HIBADH: variants seen among roughly 807,000 people sequenced by gnomAD.
HIBADH encodes the protein 3-hydroxyisobutyrate dehydrogenase, mitochondrial.
HIBADH carries 25 observed loss-of-function variants against 36.1 expected under a neutral mutation model. The ratio of observed to expected loss-of-function variants is 0.69; its 90% CI spans 0.50 to 0.97. The LOEUF is 0.97. Ranked by LOEUF, HIBADH falls within the 50% of genes least tolerant of loss-of-function variation. The pLI, the probability that HIBADH is intolerant of heterozygous loss-of-function variation, is 0.00. For synonymous variants in HIBADH, 160 were observed against 149.5 expected, an observed-to-expected ratio of 1.07 and a Z score of -0.51; for missense variants, 421 against 418.0, an observed-to-expected ratio of 1.01 and a Z score of -0.06.
chr7:27,541,132 CTTTTT>C (rs60000681), intron 5 of HIBADH, among the ~76,000 whole-genome samples: 5 of 144,288 alleles, frequency 3.5e-5, no homozygotes, highest in Non-Finnish European at 6.1e-5. Flanking sequence ...TTCGAGCATC[CTTTTT>C]TTTTTTTTTT....
chr7:27,545,130 G>A (rs1394971955), intron 4 of HIBADH, among the ~76,000 whole-genome samples: 1 of 152,090 alleles, frequency 6.6e-6, no homozygotes, highest in Admixed American at 6.5e-5. Flanking sequence ...ACACTATCAA[G>A]CCTAGTCCCA....
At chr7:27,570,731 G>A (rs369888654) in intron 4 of HIBADH, among the ~76,000 whole-genome samples, 6 of 152,054 alleles carry the variant, frequency 3.9e-5, no homozygotes, top group East Asian at 1.9e-4. Context: ...TAAAAAGAAA[G>A]TATGGTATCA....
chr7:27,539,414 T>C (rs558336123), intron 5 of HIBADH, among the ~76,000 whole-genome samples: 2 of 150,570 alleles, frequency 1.3e-5, no homozygotes, highest in South Asian at 4.2e-4. Context: ...AAGTCTAGAG[T>C]GAGATAAAGA....
chr7:27,526,897 T>C lies in HIBADH; in HGVS notation c.853-525A>G, dbSNP rs575459155. On this transcript the variant is annotated intron_variant, in intron 7 of 7. Coordinates refer to ENST00000265395, the MANE Select transcript of HIBADH (RefSeq NM_152740.4). ...AGACAATTAAATAAGCATGGTATAA[T>C]TGGATAGGAGGAGTACTATCATGGG... Among the ~76,000 whole-genome samples the C allele has an allele frequency of 2.4e-4, 37 of 152,192 alleles. No homozygotes were observed. The South Asian group carries it at 7.7e-3, about 32-fold the overall frequency.
At chr7:27,605,454 C>T (rs779580367) in intron 4 of HIBADH, among the ~76,000 whole-genome samples, 9 of 99,428 alleles carry the variant, frequency 9.1e-5, no homozygotes, top group Non-Finnish European at 1.6e-4. Context: ...AACCTGCTGA[C>T]ACTTTTTTTT....
At chr7:27,572,492 A>T (rs922384226) in intron 4 of HIBADH, among the ~76,000 whole-genome samples, 2 of 152,180 alleles carry the variant, frequency 1.3e-5, no homozygotes, top group Non-Finnish European at 2.9e-5. Flanking sequence ...AACAGGTTTC[A>T]TCTTTACCAT....
chr7:27,590,591 T>G (rs1784924267), intron 4 of HIBADH, among the ~76,000 whole-genome samples: 1 of 152,180 alleles, frequency 6.6e-6, no homozygotes, highest in South Asian at 2.1e-4. Flanking sequence ...TTTGAAGATT[T>G]TAAAAGGGAC....
At chr7:27,628,360 T>A (rs6962817) in intron 4 of HIBADH, among the ~76,000 whole-genome samples, 1,729 of 152,254 alleles carry the variant, frequency 0.011, 39 homozygotes, top group African/African-American at 0.039. Context: ...TACTTTTTAA[T>A]TCTAAAGCCC....
intron 4 of HIBADH, among the ~76,000 whole-genome samples, chr7:27,609,654 G>T (rs749088651): frequency 6.6e-6 from 1 of 152,058 alleles, no homozygotes; most frequent in Non-Finnish European, 1.5e-5. Context: ...AGTTACTAAA[G>T]TTTTAAATAA....
intron 1 of HIBADH, 86 bp from the exon 2 acceptor site, chr7:27,649,719 A>AT (rs879263925): frequency 0.032 from 32,693 of 1,007,836 alleles, 7 homozygotes; most frequent in Non-Finnish European, 0.034. Context: ...CAATTGTTAG[A>AT]TTTTTTTTTT....
chr7:27,586,571 TTC>T (rs2128288321), intron 4 of HIBADH, among the ~76,000 whole-genome samples: 1 of 151,796 alleles, frequency 6.6e-6, no homozygotes, highest in East Asian at 1.9e-4. Flanking sequence ...AAGTGTTATA[TTC>T]TCTAATTATT....
chr7:27,621,898 G>A (rs930546164), intron 4 of HIBADH, among the ~76,000 whole-genome samples: 6 of 152,086 alleles, frequency 3.9e-5, no homozygotes, highest in Non-Finnish European at 7.4e-5. Flanking sequence ...GTGGGGTGGC[G>A]GGGAAACATG....
chr7:27,648,689 G>A (rs987007230), intron 2 of HIBADH, among the ~76,000 whole-genome samples: 1 of 152,104 alleles, frequency 6.6e-6, no homozygotes, highest in South Asian at 2.1e-4. Context: ...ATGGTCTCCT[G>A]TAATTTGAGT....
chr7:27,585,182 T>C (rs1217881240), intron 4 of HIBADH, among the ~76,000 whole-genome samples: 4 of 152,020 alleles, frequency 2.6e-5, no homozygotes, highest in Non-Finnish European at 5.9e-5. Context: ...TATGTGTGTA[T>C]ATATGCACAC....
intron 4 of HIBADH, among the ~76,000 whole-genome samples, chr7:27,556,242 A>G (rs868067476): frequency 6.2e-4 from 94 of 152,346 alleles, no homozygotes; most frequent in African/African-American, 2.2e-3. Context: ...ATCTTTTTAC[A>G]TAGTTCACTG....
intron 4 of HIBADH, among the ~76,000 whole-genome samples, chr7:27,590,287 C>T (rs988096732): frequency 6.6e-6 from 1 of 152,132 alleles, no homozygotes; most frequent in East Asian, 1.9e-4. Flanking sequence ...CAAAGTCACA[C>T]AACAGATAGA....
chr7:27,657,382 A>C (rs923124560), intron 1 of HIBADH, among the ~76,000 whole-genome samples: 17 of 152,160 alleles, frequency 1.1e-4, no homozygotes, highest in African/African-American at 4.1e-4. Context: ...AAAGGGAGGG[A>C]GTCAAAGGAC....
At chr7:27,590,017 T>C (rs973578330) in intron 4 of HIBADH, among the ~76,000 whole-genome samples, 1 of 152,180 alleles carries the variant, frequency 6.6e-6, no homozygotes, top group African/African-American at 2.4e-5. Context: ...ATGATTACAT[T>C]AGAACATTCT....
At chr7:27,660,563 G>C (rs568649750) in intron 1 of HIBADH, among the ~76,000 whole-genome samples, 37 of 152,214 alleles carry the variant, frequency 2.4e-4, no homozygotes, top group African/African-American at 8.9e-4. Flanking sequence ...TACTCCGGAG[G>C]CTGAGGCAGG....
Sources: gnomAD v4.1 joint callset for allele counts (sites outside exome capture counted in the v4.1 genomes callset) on GRCh38, gnomAD v4.1.1 for gene constraint, MANE v1.5 for transcripts, NCBI Gene and HGNC (gene_info 2026-07-23, HGNC 2026-07-21) for gene names.